The following SMAD6 variants were observed in gnomAD, a reference collection of about 807,000 sequenced individuals.
The protein encoded by SMAD6 is MAD homolog 6.
A neutral mutation model predicts 39.4 loss-of-function variants in SMAD6; 103 were observed. The observed-to-expected ratio is 2.62, with a 90% CI of 2.23 to 3.08. The LOEUF is 3.08. SMAD6 is among the 30% of genes most tolerant of loss of function. The probability of loss-of-function intolerance (pLI) is 0.00; values close to 1 mark genes in which losing one functional copy is unlikely to be tolerated. For missense variants in SMAD6, 1,104 were observed against 742.9 expected, an observed-to-expected ratio of 1.49 and a Z score of -5.65; for synonymous variants, 445 against 353.3, an observed-to-expected ratio of 1.26 and a Z score of -2.91.
intron 3 of SMAD6, among the ~76,000 whole-genome samples, chr15:66,767,323 GC>G (rs1894304871): frequency 6.6e-6 from 1 of 152,136 alleles, no homozygotes; most frequent in African/African-American, 2.4e-5. Context: ...ACCAAGCTTG[GC>G]CTCCTTCTGC....
At chr15:66,704,302 G>A in intron 1 of SMAD6, 1 of 383,738 alleles carries the variant, frequency 2.6e-6, no homozygotes, top group East Asian at 3.7e-5. Context: ...AAACTTAAAA[G>A]GGTACATGTC....
intron 2 of SMAD6, among the ~76,000 whole-genome samples, chr15:66,712,006 G>A (rs140612221): frequency 6.6e-6 from 1 of 152,318 alleles, no homozygotes; most frequent in East Asian, 1.9e-4. Flanking sequence ...GAAGATGAAT[G>A]GGTTTTGACT....
At chr15:66,729,892 A>AGAAGGGGCC in intron 3 of SMAD6, among the ~76,000 whole-genome samples, 1 of 152,078 alleles carries the variant, frequency 6.6e-6, no homozygotes, top group Non-Finnish European at 1.5e-5. Flanking sequence ...TCTGCTCCAG[A>AGAAGGGGCC]CGAGGGCCTG....
At chr15:66,728,201 C>T (rs1233331278) in intron 3 of SMAD6, among the ~76,000 whole-genome samples, 1 of 152,156 alleles carries the variant, frequency 6.6e-6, no homozygotes, top group Non-Finnish European at 1.5e-5. Context: ...AGCAACAGAC[C>T]ATGACCTCAA....
intron 3 of SMAD6, among the ~76,000 whole-genome samples, chr15:66,746,261 G>A (rs571787022): frequency 7.2e-5 from 11 of 152,334 alleles, no homozygotes; most frequent in African/African-American, 2.4e-4. Flanking sequence ...TTTGTGAAGC[G>A]GGAGTTTTCT....
intron 1 of SMAD6, among the ~76,000 whole-genome samples, chr15:66,710,321 C>T (rs978620506): frequency 2.0e-5 from 3 of 152,220 alleles, no homozygotes; most frequent in South Asian, 2.1e-4. Flanking sequence ...ACGTAGACAC[C>T]GAGCAAATGT....
intron 3 of SMAD6, among the ~76,000 whole-genome samples, chr15:66,762,331 A>G (rs912706073): frequency 1.3e-5 from 2 of 152,240 alleles, no homozygotes; most frequent in East Asian, 3.9e-4. Context: ...GCGCTTAGCA[A>G]GCGGGTGAGA....
intron 3 of SMAD6, among the ~76,000 whole-genome samples, chr15:66,733,904 C>T (rs144624610): frequency 3.3e-5 from 5 of 152,288 alleles, no homozygotes; most frequent in African/African-American, 9.6e-5. Context: ...GGAGGAGAGC[C>T]GAGTCCTTGT....
intron 3 of SMAD6, among the ~76,000 whole-genome samples, chr15:66,732,841 C>T (rs1655721965): frequency 6.6e-6 from 1 of 151,990 alleles, no homozygotes; most frequent in African/African-American, 2.4e-5. Context: ...TTCAATTTAT[C>T]AGTTGTTTCT....
Position 66,703,805 on chromosome 15 carries a change from C to T in SMAD6, c.547C>T (p.Leu183Phe). The T allele has an allele frequency of 7.0e-7, 1 of 1,435,002 alleles. No individual in the cohort carries two copies. Among genetic ancestry groups the T allele is most frequent in the East Asian group, 3.2e-5 (1 of 31,546 alleles). 88.9% of individuals were successfully genotyped at this position (1,435,002 alleles called of 1,614,324 possible). Residue 183 changes from leucine to phenylalanine, a missense_variant, in exon 1 of 4, where the codon CTC (leucine) becomes TTC (phenylalanine). Physicochemically the swap from Leu to Phe is conservative, Grantham distance 22. Coordinates refer to ENST00000288840, the MANE Select transcript of SMAD6 (RefSeq NM_005585.5). Reference sequence around the variant, plus strand: ...CGTCACGTACTCGCTGCTGAAGCGGCTCAAGGAGCGCTCGCTGGACACGCT... The same window carrying T: ...CGTCACGTACTCGCTGCTGAAGCGGTTCAAGGAGCGCTCGCTGGACACGCT... ...KTVTYSLLKR[L>F]KERSLDTLLE...
At chr15:66,735,205 G>A (rs1054693409) in intron 3 of SMAD6, among the ~76,000 whole-genome samples, 2 of 152,218 alleles carry the variant, frequency 1.3e-5, no homozygotes, top group Non-Finnish European at 2.9e-5. Flanking sequence ...GGCCACCAAA[G>A]CCACACCATA....
intron 2 of SMAD6, among the ~76,000 whole-genome samples, chr15:66,713,553 T>C (rs1893272250): frequency 1.3e-5 from 2 of 152,206 alleles, no homozygotes; most frequent in Non-Finnish European, 2.9e-5. Context: ...CTCCTGACCT[T>C]GTGATCTGCC....
chr15:66,739,594 T>A (rs557331937), intron 3 of SMAD6, among the ~76,000 whole-genome samples: 1 of 152,308 alleles, frequency 6.6e-6, no homozygotes, highest in South Asian at 2.1e-4. Flanking sequence ...ATATACCTAT[T>A]TGCTCTTGTT....
chr15:66,719,967 T>C (rs1433070187), intron 3 of SMAD6, among the ~76,000 whole-genome samples: 2 of 152,154 alleles, frequency 1.3e-5, no homozygotes, highest in African/African-American at 2.4e-5. Flanking sequence ...CTGGAGACCT[T>C]ACACCTGGAG....
chr15:66,702,529 A>AT lies in SMAD6; in HGVS notation c.-728dup, dbSNP rs1279533324. ...TCTGCATCGGTGGACTGCATTTTTA[A>AT]TTAAGGATTCCCAGCAGCTCTTTGG... On this transcript the variant is annotated 5_prime_UTR_variant, in exon 1 of 4. It removes the in-frame stop codon of an upstream open reading frame in the 5' UTR. Transcript: ENST00000288840. The AT allele has an allele frequency of 3.9e-5, 6 of 152,600 alleles. No homozygotes were observed. Among genetic ancestry groups the AT allele is most frequent in the Admixed American group, 3.9e-4 (6 of 15,292 alleles). 9.5% of individuals were successfully genotyped at this position (152,600 alleles called of 1,614,324 possible). A position where few individuals can be genotyped will look rare whatever the true frequency, so the allele number is the denominator to read the frequency against.
intron 3 of SMAD6, among the ~76,000 whole-genome samples, chr15:66,737,050 C>T (rs1245985627): frequency 6.6e-6 from 1 of 152,206 alleles, no homozygotes; most frequent in African/African-American, 2.4e-5. Context: ...CTCCAGCTCT[C>T]ATTGTTCATG....
At chr15:66,772,792 C>T (rs1894400078) in intron 3 of SMAD6, among the ~76,000 whole-genome samples, 1 of 152,230 alleles carries the variant, frequency 6.6e-6, no homozygotes, top group Non-Finnish European at 1.5e-5. Context: ...ATGCAGGCAC[C>T]TTTGCTCCCT....
At chr15:66,727,014 C>T (rs985402799) in intron 3 of SMAD6, among the ~76,000 whole-genome samples, 8 of 152,094 alleles carry the variant, frequency 5.3e-5, no homozygotes, top group African/African-American at 1.7e-4. Context: ...AGCCCCTGGC[C>T]GGTGCCTGAT....
chr15:66,777,644 A>T (rs1894489571), intron 3 of SMAD6, among the ~76,000 whole-genome samples: 1 of 152,152 alleles, frequency 6.6e-6, no homozygotes, highest in South Asian at 2.1e-4. Context: ...GTGTAGACCA[A>T]CTGGGGGGCA....
Sources: gnomAD v4.1 joint callset for allele counts (sites outside exome capture counted in the v4.1 genomes callset) on GRCh38, gnomAD v4.1.1 for gene constraint, MANE v1.5 for transcripts, NCBI Gene and HGNC (gene_info 2026-07-23, HGNC 2026-07-21) for gene names.